Variants in ZNG1A observed in about 807,000 individuals in gnomAD.
ZNG1A encodes zinc-regulated GTPase metalloprotein activator 1A.
chr9:140,268 A>G, the ZNG1A span, among the ~76,000 whole-genome samples: 1 of 151,940 alleles, frequency 6.6e-6, no homozygotes. Flanking sequence ...TCCCTGTCTG[A>G]CAGCTTTGAA....
chr9:161,036 ACT>A, the ZNG1A span, among the ~76,000 whole-genome samples: 2 of 150,458 alleles, frequency 1.3e-5, no homozygotes, highest in African/African-American at 4.9e-5. Context: ...TTTCTTCCAA[ACT>A]TTTCAAATTA....
chr9:169,854 C>CTTTTTTTTTTTT, the ZNG1A span, among the ~76,000 whole-genome samples: 12 of 53,974 alleles, frequency 2.2e-4, no homozygotes, highest in African/African-American at 6.7e-4. Flanking sequence ...ATAAACACAG[C>CTTTTTTTTTTTT]TTTTTTTTTT....
the ZNG1A span, among the ~76,000 whole-genome samples, chr9:178,297 C>T: frequency 6.7e-6 from 1 of 149,928 alleles, no homozygotes; most frequent in Admixed American, 6.7e-5. Flanking sequence ...AAACAGACCT[C>T]AAAAAAAAAG....
chr9:128,115 T>G, the ZNG1A span, among the ~76,000 whole-genome samples: 9 of 152,094 alleles, frequency 5.9e-5, no homozygotes, highest in Admixed American at 2.6e-4. Context: ...TTCACAGCTC[T>G]TTCTTTCATC....
At chr9:144,564 T>A in the ZNG1A span, among the ~76,000 whole-genome samples, 35 of 152,148 alleles carry the variant, frequency 2.3e-4, no homozygotes, top group Admixed American at 7.2e-4. Context: ...ATTAAAGACT[T>A]AAACGTTTGA....
At chr9:134,211 T>C in the ZNG1A span, among the ~76,000 whole-genome samples, 3 of 15,014 alleles carry the variant, frequency 2.0e-4, no homozygotes, top group Admixed American at 2.9e-3. Context: ...GCCACAAACA[T>C]AGTGGCAAAC....
chr9:173,723 G>C, the ZNG1A span, among the ~76,000 whole-genome samples: 1 of 151,886 alleles, frequency 6.6e-6, no homozygotes, highest in East Asian at 1.9e-4. Flanking sequence ...TTTATATACT[G>C]GATTTTGTAT....
the ZNG1A span, among the ~76,000 whole-genome samples, chr9:130,182 C>T: frequency 9.4e-4 from 141 of 149,774 alleles, 1 homozygote; most frequent in Non-Finnish European, 1.8e-3. Context: ...ATTTTTATAG[C>T]ATAAGGTAAT....
chr9:121,491 G>T, the ZNG1A span: 4 of 1,611,500 alleles, frequency 2.5e-6, no homozygotes, highest in Non-Finnish European at 3.4e-6. Context: ...GATCTTCTTG[G>T]AAACGTGTTG....
the ZNG1A span, chr9:148,887 T>C: frequency 2.7e-5 from 4 of 148,622 alleles, no homozygotes; most frequent in Non-Finnish European, 5.9e-5. Flanking sequence ...AGTGGTCATC[T>C]CTTCAAACTC....
the ZNG1A span, chr9:147,613 A>G: frequency 3.5e-5 from 5 of 144,564 alleles, no homozygotes; most frequent in Non-Finnish European, 5.9e-5. Flanking sequence ...AATTAGAAAA[A>G]TGATCAAGCA....
At chr9:123,917 T>C in the ZNG1A span, among the ~76,000 whole-genome samples, 1 of 151,728 alleles carries the variant, frequency 6.6e-6, no homozygotes, top group Non-Finnish European at 1.5e-5. Flanking sequence ...AAAATAAGGG[T>C]CAAAAAAATA....
chr9:165,618 G>A, the ZNG1A span, among the ~76,000 whole-genome samples: 1 of 120,002 alleles, frequency 8.3e-6, no homozygotes, highest in South Asian at 2.9e-4. Flanking sequence ...GAATGCTACT[G>A]GCATCTAGTG....
At chr9:139,918 T>A in the ZNG1A span, among the ~76,000 whole-genome samples, 1 of 150,258 alleles carries the variant, frequency 6.7e-6, no homozygotes, top group East Asian at 1.9e-4. Flanking sequence ...ACCTGGAAGA[T>A]CGGGTCACTC....
At chr9:126,853 C>G in the ZNG1A span, among the ~76,000 whole-genome samples, 9 of 152,108 alleles carry the variant, frequency 5.9e-5, no homozygotes, top group African/African-American at 1.4e-4. Flanking sequence ...AGCACCGCCT[C>G]TGCTGTGTCC....
chr9:164,901 A>C, the ZNG1A span, among the ~76,000 whole-genome samples: 1 of 152,046 alleles, frequency 6.6e-6, no homozygotes, highest in Non-Finnish European at 1.5e-5. Flanking sequence ...ACAATGAAAT[A>C]CCTGTCAGCT....
At chr9:139,531 A>G in the ZNG1A span, among the ~76,000 whole-genome samples, 1 of 152,074 alleles carries the variant, frequency 6.6e-6, no homozygotes, top group African/African-American at 2.4e-5. Context: ...TCTTACTACA[A>G]TAAAAAAAAG....
chr9:149,909 TC>T, the ZNG1A span, among the ~76,000 whole-genome samples: 1 of 145,198 alleles, frequency 6.9e-6, no homozygotes, highest in Non-Finnish European at 1.5e-5. Flanking sequence ...TGCTACTAAA[TC>T]AACTTAAGTC....
chr9:147,634 T>C, the ZNG1A span: 1 of 147,026 alleles, frequency 6.8e-6, no homozygotes, highest in African/African-American at 2.7e-5. Flanking sequence ...AAGAAGCAAA[T>C]GTTCTATGAA....
Sources: allele counts gnomAD v4.1 joint callset (sites outside exome capture counted in the v4.1 genomes callset), GRCh38; gene constraint gnomAD v4.1.1; transcripts MANE v1.5; gene names NCBI Gene and HGNC (gene_info 2026-07-23, HGNC 2026-07-21).